Variants in PEAK1 observed in about 807,000 individuals in gnomAD.
PEAK1 encodes the protein pseudopodium enriched atypical kinase 1, also known as inactive tyrosine-protein kinase PEAK1.
PEAK1 carries 54 observed loss-of-function variants against 124.7 expected under a neutral mutation model. The observed-to-expected ratio is 0.43, with a 90% CI of 0.35 to 0.54. The LOEUF (loss-of-function observed/expected upper bound fraction) is 0.54. PEAK1 is among the 20% of genes least tolerant of loss of function. PEAK1 has a pLI of 0.01. For synonymous variants in PEAK1, 719 were observed against 760.0 expected (o/e 0.95, Z 0.89); for missense variants, 2,046 against 2,134.5 (o/e 0.96, Z 0.82).
At chr15:77,267,757 A>G (rs1445802928) in intron 5 of PEAK1, among the ~76,000 whole-genome samples, 1 of 152,172 alleles carries the variant, frequency 6.6e-6, no homozygotes, top group Non-Finnish European at 1.5e-5. Flanking sequence ...GTATACCCGA[A>G]TAAGAAGGAA....
chr15:77,279,136 T>C (rs2062522494), intron 5 of PEAK1, among the ~76,000 whole-genome samples: 4 of 150,390 alleles, frequency 2.7e-5, no homozygotes, highest in Admixed American at 2.0e-4. Context: ...TGTGTGTGTG[T>C]TTCAAAGCTA....
intron 2 of PEAK1, among the ~76,000 whole-genome samples, chr15:77,287,219 TAA>T (rs2062975973): frequency 6.6e-6 from 1 of 152,164 alleles, no homozygotes; most frequent in Non-Finnish European, 1.5e-5. Flanking sequence ...AAATTTACAG[TAA>T]ATCAGTGCCT....
At chr15:77,150,715 A>C in intron 8 of PEAK1, among the ~76,000 whole-genome samples, 1 of 125,408 alleles carries the variant, frequency 8.0e-6, no homozygotes, top group South Asian at 2.5e-4. Context: ...TCCTGTGTCC[A>C]TGTGTTCTCA....
chr15:77,271,827 T>G (rs970772713), intron 5 of PEAK1, among the ~76,000 whole-genome samples: 1 of 152,126 alleles, frequency 6.6e-6, no homozygotes, highest in Non-Finnish European at 1.5e-5. Context: ...ACATACCTAA[T>G]GTAAATGACG....
chr15:77,346,128 T>G (rs553923946), intron 2 of PEAK1: 2 of 985,398 alleles, frequency 2.0e-6, no homozygotes, highest in African/African-American at 3.5e-5. Context: ...CAAAGCTATA[T>G]TTTATAGAAT....
chr15:77,161,858 C>T (rs1022576012), intron 7 of PEAK1, among the ~76,000 whole-genome samples: 7 of 148,446 alleles, frequency 4.7e-5, no homozygotes, highest in Admixed American at 2.1e-4. Flanking sequence ...CCCAGCTACT[C>T]GGGAGGCTGA....
At chr15:77,403,437 T>A in intron 1 of PEAK1, 2 of 921,638 alleles carry the variant, frequency 2.2e-6, no homozygotes, top group Non-Finnish European at 2.6e-6. Flanking sequence ...TACATATTGA[T>A]TGTAAGGGTA....
At chr15:77,407,902 C>T (rs1286193149) in intron 1 of PEAK1, among the ~76,000 whole-genome samples, 1 of 139,216 alleles carries the variant, frequency 7.2e-6, no homozygotes, top group African/African-American at 2.6e-5. Context: ...TATATATATA[C>T]ACATATATAT....
At chr15:77,210,564 G>T (rs2058856432) in intron 6 of PEAK1, among the ~76,000 whole-genome samples, 1 of 152,170 alleles carries the variant, frequency 6.6e-6, no homozygotes, top group South Asian at 2.1e-4. Context: ...TGAAGGAATA[G>T]GAAGAGAAAT....
Position 77,260,137 on chromosome 15 carries a change from A to G in PEAK1, c.-274-7611T>C, listed in dbSNP as rs775516171. On this transcript the variant is annotated intron_variant, in intron 5 of 9. Coordinates refer to ENST00000682557, the MANE Select transcript of PEAK1 (RefSeq NM_001385026.1). ...TCCGCAAGAAGAGAGAAACCCAAAT[A>G]TACAAAGCAATCAGCAGGGTCCCCA... 7.9e-5 allele frequency among the ~76,000 whole-genome samples: 12 copies of G among 152,292 alleles called. No individual in the cohort carries two copies. The Middle Eastern group carries it at 0.014, about 173-fold the overall frequency.
At chr15:77,140,284 A>G (rs1445267467) in intron 8 of PEAK1, among the ~76,000 whole-genome samples, 1 of 131,134 alleles carries the variant, frequency 7.6e-6, no homozygotes, top group Non-Finnish European at 1.7e-5. Context: ...AACTAGACAA[A>G]GACATAAAAA....
At chr15:77,262,490 T>C (rs372777129) in intron 5 of PEAK1, among the ~76,000 whole-genome samples, 4,996 of 148,808 alleles carry the variant, frequency 0.034, 288 homozygotes, top group African/African-American at 0.12. Flanking sequence ...TTTAAACCAA[T>C]AAAGATCAAA....
intron 5 of PEAK1, among the ~76,000 whole-genome samples, chr15:77,260,976 T>C (rs1053372778): frequency 6.6e-6 from 1 of 152,198 alleles, no homozygotes; most frequent in Non-Finnish European, 1.5e-5. Context: ...ATATCTGCTG[T>C]TGTGCAGCCT....
intron 6 of PEAK1, among the ~76,000 whole-genome samples, chr15:77,200,207 T>A (rs189993934): frequency 1.6e-4 from 24 of 152,346 alleles, no homozygotes. Context: ...ACTTAGTCAA[T>A]AGTAAATATA....
At chr15:77,377,397 A>T (rs1456860354) in intron 1 of PEAK1, among the ~76,000 whole-genome samples, 1 of 152,056 alleles carries the variant, frequency 6.6e-6, no homozygotes, top group East Asian at 1.9e-4. Context: ...AAATAAAGTA[A>T]AACACAATTA....
In PEAK1 at chr15:77,158,513, G is replaced by A. The variant is rs2055351292; in HGVS notation, c.3321C>T (p.Tyr1107=). The A allele has an allele frequency of 6.2e-7, 1 of 1,613,946 alleles. No homozygotes were observed. The highest frequency in any genetic ancestry group is 8.5e-7 in the Non-Finnish European group (1 of 1,179,826). ...GACATTTGCACTTACCTAAGTTGCTGTATGTTGCACTACAAGGGTTCGGGT... is the reference window on the plus strand; with the variant it reads ...GACATTTGCACTTACCTAAGTTGCTATATGTTGCACTACAAGGGTTCGGGT... ...PMDPNPCSAT[Y]SNLGQSRAAM... Residue 1107 remains tyrosine (Y), a synonymous_variant, in exon 8 of 10, where the codon TAC becomes TAT. Transcript: ENST00000682557.
At chr15:77,192,214 G>C (rs1234916313) in intron 6 of PEAK1, among the ~76,000 whole-genome samples, 2 of 152,310 alleles carry the variant, frequency 1.3e-5, no homozygotes, top group Admixed American at 1.3e-4. Flanking sequence ...AGGTGGATGA[G>C]AGAGAAAATG....
At chr15:77,223,609 AACTT>A (rs970878014) in intron 6 of PEAK1, among the ~76,000 whole-genome samples, 1 of 152,094 alleles carries the variant, frequency 6.6e-6, no homozygotes, top group Non-Finnish European at 1.5e-5. Context: ...TTGTAAAAAT[AACTT>A]ACTTCTCTTA....
chr15:77,243,855 C>A (rs2060461000), intron 6 of PEAK1, among the ~76,000 whole-genome samples: 1 of 152,090 alleles, frequency 6.6e-6, no homozygotes, highest in Admixed American at 6.5e-5. Context: ...GTAATCCCTG[C>A]TACTCGGGAG....
Sources: allele counts gnomAD v4.1 joint callset (sites outside exome capture counted in the v4.1 genomes callset), GRCh38; gene constraint gnomAD v4.1.1; transcripts MANE v1.5; gene names NCBI Gene and HGNC (gene_info 2026-07-23, HGNC 2026-07-21).